Variants in PLCXD3 observed in about 807,000 individuals in gnomAD.
PLCXD3 encodes the protein phosphatidylinositol specific phospholipase C X domain containing 3.
In PLCXD3, 19 loss-of-function variants were observed where a neutral mutation model predicts 25.5. The ratio of observed to expected loss-of-function variants is 0.75; its 90% CI spans 0.52 to 1.09. PLCXD3 has a LOEUF of 1.09. Among genes scored for constraint, PLCXD3 ranks in the 50% least tolerant of loss-of-function variants. The pLI, the probability that PLCXD3 is intolerant of heterozygous loss-of-function variation, is 0.00. For synonymous variants in PLCXD3, 174 were observed against 137.6 expected, an observed-to-expected ratio of 1.26 and a Z score of -1.85; for missense variants, 411 against 388.1, an observed-to-expected ratio of 1.06 and a Z score of -0.50.
chr5:41,484,901 C>A (rs1182166731), intron 1 of PLCXD3, among the ~76,000 whole-genome samples: 1 of 152,130 alleles, frequency 6.6e-6, no homozygotes, highest in East Asian at 1.9e-4. Context: ...TAAGAAACTG[C>A]TAAATCCTTG....
intron 1 of PLCXD3, among the ~76,000 whole-genome samples, chr5:41,398,912 T>C (rs1234621450): frequency 6.6e-6 from 1 of 152,162 alleles, no homozygotes; most frequent in Admixed American, 6.6e-5. Context: ...GGAAGCCAAA[T>C]TATCCTTGTC....
chr5:41,437,509 A>G (rs1025779504), intron 1 of PLCXD3, among the ~76,000 whole-genome samples: 25 of 152,224 alleles, frequency 1.6e-4, no homozygotes, highest in Non-Finnish European at 2.6e-4. Context: ...AGCAAATAGA[A>G]TGATGAAAAG....
chr5:41,383,353 C>T (rs1475602964), intron 1 of PLCXD3, among the ~76,000 whole-genome samples: 1 of 151,984 alleles, frequency 6.6e-6, no homozygotes, highest in Non-Finnish European at 1.5e-5. Context: ...AGAAAAAGGA[C>T]TATTTATTTG....
chr5:41,507,055 C>A (rs9292807), intron 1 of PLCXD3, among the ~76,000 whole-genome samples: 2,482 of 152,304 alleles, frequency 0.016, 66 homozygotes, highest in African/African-American at 0.057. Flanking sequence ...GACTCTCTGT[C>A]ACACATGCAG....
intron 2 of PLCXD3, among the ~76,000 whole-genome samples, chr5:41,330,818 C>T (rs531344188): frequency 2.6e-5 from 4 of 152,200 alleles, no homozygotes; most frequent in African/African-American, 9.6e-5. Context: ...TGTAATCCAG[C>T]ATATAAACAG....
intron 1 of PLCXD3, among the ~76,000 whole-genome samples, chr5:41,453,701 A>G (rs1747689216): frequency 6.6e-6 from 1 of 152,030 alleles, no homozygotes; most frequent in Admixed American, 6.6e-5. Flanking sequence ...ATATTTCCTC[A>G]ATGGAATTTA....
chr5:41,509,757 C>T (rs1390221115), intron 1 of PLCXD3, among the ~76,000 whole-genome samples: 5 of 152,220 alleles, frequency 3.3e-5, no homozygotes, highest in Non-Finnish European at 7.3e-5. Context: ...CGCACTTGGA[C>T]CAGACTCGAG....
chr5:41,403,408 T>TTTTTTTTATTTTTTTTTTTTTTTTA (rs1554047968), intron 1 of PLCXD3, among the ~76,000 whole-genome samples: 2 of 26,230 alleles, frequency 7.6e-5, no homozygotes, highest in Non-Finnish European at 1.9e-4. Flanking sequence ...GTTGTTTTTT[T>TTTTTTTTATTTTTTTTTTTTTTTTA]TTTTTTTTAT....
intron 1 of PLCXD3, among the ~76,000 whole-genome samples, chr5:41,460,836 C>G (rs190239196): frequency 2.4e-4 from 36 of 151,970 alleles, no homozygotes; most frequent in Admixed American, 4.6e-4. Context: ...TGGAACTATT[C>G]TTTCATTGTT....
Position 41,474,827 on chromosome 5 carries a change from T to C in PLCXD3, c.103+35597A>G, listed in dbSNP as rs150637690. On this transcript the variant is annotated intron_variant, in intron 1 of 2. Transcript: ENST00000377801. ...ACTTTTACCCAGAATTAATCCCATG[T>C]ATCCTGTTGGCAAAGGTCCCCAAAT... 7.2e-3 allele frequency among the ~76,000 whole-genome samples: 1,098 copies of C among 152,302 alleles called. 20 individuals are homozygous for C. Among genetic ancestry groups the C allele is most frequent in the African/African-American group, 0.025 (1,044 of 41,544 alleles).
intron 2 of PLCXD3, among the ~76,000 whole-genome samples, chr5:41,319,048 A>G (rs1743382893): frequency 6.6e-6 from 1 of 152,222 alleles, no homozygotes; most frequent in African/African-American, 2.4e-5. Context: ...AAAGGTTTCA[A>G]TTCAGCAAGA....
intron 2 of PLCXD3, among the ~76,000 whole-genome samples, chr5:41,375,430 T>A (rs978643032): frequency 2.0e-5 from 3 of 151,972 alleles, no homozygotes; most frequent in Admixed American, 1.3e-4. Context: ...GAGCCAGGAG[T>A]CCTGAATTTT....
intron 1 of PLCXD3, among the ~76,000 whole-genome samples, chr5:41,502,019 G>A (rs1362900211): frequency 6.6e-6 from 1 of 151,706 alleles, no homozygotes; most frequent in Non-Finnish European, 1.5e-5. Context: ...ATTTTTTTTT[G>A]CAAGGAGCAT....
rs571075251 is a variant in PLCXD3, at chr5:41,481,803, C to T, written c.103+28621G>A. The stretch of plus-strand genomic sequence containing the variant: ...GGGATGAGCCCCTTAGCCACAGCCT[C>T]CTTCCCTTCTCCCACCTCCTGGCAT... On this transcript the variant is annotated intron_variant, in intron 1 of 2. Transcript: ENST00000377801. 5.3e-5 allele frequency among the ~76,000 whole-genome samples: 8 copies of T among 152,332 alleles called. No homozygotes were observed. In the South Asian group the frequency reaches 1.7e-3, roughly 32 times the overall value.
At chr5:41,390,796 T>G (rs1745789914) in intron 1 of PLCXD3, among the ~76,000 whole-genome samples, 1 of 152,170 alleles carries the variant, frequency 6.6e-6, no homozygotes, top group South Asian at 2.1e-4. Context: ...AACTTCATAT[T>G]GCTGAGAGAG....
intron 1 of PLCXD3, among the ~76,000 whole-genome samples, chr5:41,467,126 C>G (rs2150518813): frequency 6.6e-6 from 1 of 152,232 alleles, no homozygotes; most frequent in East Asian, 1.9e-4. Context: ...TTTGAGTAAC[C>G]TCCATACAAT....
At chr5:41,510,163 A>T (rs1352675548) in intron 1 of PLCXD3, among the ~76,000 whole-genome samples, 2 of 152,142 alleles carry the variant, frequency 1.3e-5, no homozygotes, top group African/African-American at 4.8e-5. Context: ...CCTCTGCCCC[A>T]GTCCTCCGCA....
chr5:41,471,966 C>G, intron 1 of PLCXD3, among the ~76,000 whole-genome samples: 1 of 109,896 alleles, frequency 9.1e-6, no homozygotes, highest in African/African-American at 3.5e-5. Context: ...CCTTCCCTTC[C>G]CTTTCTCCCT....
Position 41,510,417 on chromosome 5 carries a change from C to G in PLCXD3, c.103+7G>C, listed in dbSNP as rs369041389. ...GAGCGCCTAGCCCGCAGCCCCTGCG[C>G]GCCTACCTGGAATGGCTAAATTGGT... On this transcript the variant is annotated splice_region_variant and intron_variant, in intron 1 of 2. Coordinates refer to ENST00000377801, the MANE Select transcript of PLCXD3 (RefSeq NM_001005473.3). The G allele has an allele frequency of 6.2e-7, 1 of 1,604,614 alleles. No homozygotes were observed. The highest frequency in any genetic ancestry group is 8.5e-7 in the Non-Finnish European group (1 of 1,175,478).
Sources: gnomAD v4.1 joint callset for allele counts (sites outside exome capture counted in the v4.1 genomes callset) on GRCh38, gnomAD v4.1.1 for gene constraint, MANE v1.5 for transcripts, NCBI Gene and HGNC (gene_info 2026-07-23, HGNC 2026-07-21) for gene names.